Variants in CD300A observed in about 807,000 individuals in gnomAD.
The protein encoded by CD300A is CMRF35-like molecule 8.
In CD300A, 22 loss-of-function variants were observed where a neutral mutation model predicts 33.6. The observed-to-expected ratio is 0.66, with a 90% confidence interval of 0.47 to 0.94. CD300A has a LOEUF of 0.94. Among genes scored for constraint, CD300A ranks in the 40% least tolerant of loss-of-function variants. The pLI, the probability that CD300A is intolerant of heterozygous loss-of-function variation, is 0.00. For missense variants in CD300A, 326 were observed against 360.5 expected (o/e 0.90, Z 0.77); for synonymous variants, 136 against 148.1 (o/e 0.92, Z 0.59).
intron 1 of CD300A, among the ~76,000 whole-genome samples, chr17:74,468,402 G>A (rs1291607529): frequency 6.6e-6 from 1 of 151,964 alleles, no homozygotes; most frequent in Non-Finnish European, 1.5e-5. Flanking sequence ...GTGCAATCAC[G>A]GTTCACTGTA....
intron 1 of CD300A, among the ~76,000 whole-genome samples, chr17:74,469,534 ATTGT>A (rs1429776308): frequency 6.6e-6 from 1 of 152,152 alleles, no homozygotes; most frequent in East Asian, 1.9e-4. Flanking sequence ...AGTCTAATTA[ATTGT>A]TTGAGGCCAG....
chr17:74,474,412 C>G (rs1906327396), intron 2 of CD300A, 120 bp from the exon 3 acceptor site: 1 of 990,180 alleles, frequency 1.0e-6, no homozygotes, highest in South Asian at 1.5e-5. Context: ...GCCCCAGGGT[C>G]CTGCATCCTG....
intron 5 of CD300A, 157 bp downstream of exon 5, chr17:74,481,483 C>G: frequency 1.4e-6 from 1 of 723,744 alleles, no homozygotes; most frequent in South Asian, 1.7e-5. Flanking sequence ...GTCACTAGGT[C>G]TTGTTCTGAG....
intron 1 of CD300A, chr17:74,470,281 G>T: frequency 2.1e-6 from 2 of 935,260 alleles, no homozygotes; most frequent in South Asian, 1.0e-4. Flanking sequence ...CTGACACTTC[G>T]CAATCTCTAA....
intron 4 of CD300A, among the ~76,000 whole-genome samples, chr17:74,478,868 T>G (rs146796090): frequency 2.1e-4 from 32 of 152,258 alleles, no homozygotes; most frequent in African/African-American, 7.5e-4. Flanking sequence ...GCAGGGTGTA[T>G]GGGAAGAAAA....
At position 74,481,753 on chromosome 17, in the gene CD300A, G is replaced by T; in HGVS notation, c.694G>T (p.Ala232Ser). 3 of 1,611,960 alleles carry T rather than the reference G, an allele frequency of 1.9e-6. No homozygotes were observed. The highest frequency in any genetic ancestry group is 2.2e-5 in the South Asian group (2 of 90,552). The change falls in exon 6 of 7, where the codon GCA (alanine) becomes TCA (serine). Residue 232 changes from alanine (A) to serine (S), a missense_variant. Transcript: ENST00000360141. ...TGCCACGCAGAGTGAGCTGCACTAC[G>T]CAAATCTGGAGCTGCTGATGTGGCC... is the stretch of plus-strand genomic sequence containing the variant. ...QAATQSELHY[A>S]NLELLMWPLQ... is the part of the protein sequence containing the mutation.
In CD300A at chr17:74,474,617, C is replaced by A. The variant is rs1303963665; in HGVS notation, c.465C>A (p.Thr155=). The A allele has an allele frequency of 1.2e-6, 2 of 1,614,098 alleles. No individual in the cohort carries two copies. Among genetic ancestry groups the A allele is most frequent in the Non-Finnish European group, 1.7e-6 (2 of 1,179,922 alleles). Reference sequence around the variant, plus strand: ...CATTTCCACCTGTATCATCCACTACCCTGTTTGCAGTGGGTGCCACCCACA... The same window carrying A: ...CATTTCCACCTGTATCATCCACTACACTGTTTGCAGTGGGTGCCACCCACA... The part of the protein sequence containing the change: ...TTAFPPVSST[T]LFAVGATHSA... The change falls in exon 3 of 7, where the codon ACC becomes ACA. Residue 155 remains threonine, a synonymous_variant. Coordinates refer to ENST00000360141, the MANE Select transcript of CD300A (RefSeq NM_007261.4).
intron 6 of CD300A, among the ~76,000 whole-genome samples, chr17:74,483,093 C>T (rs1034074861): frequency 2.6e-5 from 4 of 152,158 alleles, no homozygotes; most frequent in Admixed American, 2.0e-4. Flanking sequence ...CACGAAGCTG[C>T]ATGGCCTGGG....
At chr17:74,471,782 C>T (rs9904541) in intron 1 of CD300A, among the ~76,000 whole-genome samples, 13 of 151,862 alleles carry the variant, frequency 8.6e-5, no homozygotes, top group African/African-American at 2.7e-4. Flanking sequence ...TTTGGGCAGC[C>T]GTGGGCTGGG....
intron 6 of CD300A, among the ~76,000 whole-genome samples, chr17:74,482,131 G>A (rs1906898147): frequency 2.6e-5 from 4 of 152,096 alleles, no homozygotes; most frequent in Admixed American, 2.6e-4. Context: ...CTGAGAACCT[G>A]TGACTTCTCA....
chr17:74,484,137 TGCCTC>T lies in CD300A; in HGVS notation c.*15_*19del, dbSNP rs1389826901. On this transcript the variant is annotated 3_prime_UTR_variant, in exon 7 of 7. Transcript: ENST00000360141. The stretch of plus-strand genomic sequence containing the variant: ...ATAAGGAAGACATAGGCTTTTGTCC[TGCCTC>T]GCCATCGGAGCTCTCATGGGCCCCA... The T allele has an allele frequency of 3.1e-6, 5 of 1,612,690 alleles. No homozygotes were observed. The highest frequency in any genetic ancestry group is 4.2e-6 in the Non-Finnish European group (5 of 1,179,414).
chr17:74,475,552 C>T lies in CD300A; in HGVS notation c.533+867C>T, dbSNP rs1906405074. Among the ~76,000 whole-genome samples the T allele has an allele frequency of 2.6e-5, 4 of 152,218 alleles. No individual in the cohort carries two copies. In the South Asian group the frequency reaches 6.2e-4, roughly 24 times the overall value. ...ACCTTTTTCGGGTTCACCAACCCCA[C>T]ATAGAATCTGACATCTATGGACACT... On this transcript the variant is annotated intron_variant, in intron 3 of 6. Coordinates refer to ENST00000360141, the MANE Select transcript of CD300A (RefSeq NM_007261.4).
rs530915426 is a variant in CD300A at position 74,468,864 on chromosome 17, C to T, written c.40+2121C>T. Among the ~76,000 whole-genome samples the T allele has an allele frequency of 1.3e-3, 203 of 152,232 alleles. 2 individuals carry two copies. The highest frequency in any genetic ancestry group is 2.4e-3 in the Non-Finnish European group (160 of 68,012). ...GTAGAGACGGGGTTTCACCATGTTG[C>T]CCAAGGTGGTCTCGAACTCCTGAGC... On this transcript the variant is annotated intron_variant, in intron 1 of 6. Coordinates refer to ENST00000360141, the MANE Select transcript of CD300A (RefSeq NM_007261.4).
intron 2 of CD300A, among the ~76,000 whole-genome samples, chr17:74,474,135 A>T (rs1906302120): frequency 6.6e-6 from 1 of 151,974 alleles, no homozygotes; most frequent in Non-Finnish European, 1.5e-5. Context: ...CCTGTGGCTC[A>T]GCCCCAACGG....
rs1345617393 is a variant in CD300A at position 74,484,403 on chromosome 17, G to C, written c.*277G>C. Reference sequence around the variant, plus strand: ...TTTGCCCCTGCTTCATCCCAGCTCTGTGTGTGGAGGACAAAGCTTCTTCCT... The same window carrying C: ...TTTGCCCCTGCTTCATCCCAGCTCTCTGTGTGGAGGACAAAGCTTCTTCCT... On this transcript the variant is annotated 3_prime_UTR_variant, in exon 7 of 7. Transcript: ENST00000360141. 3.5e-6 allele frequency: 1 copy of C among 286,066 alleles called. No homozygotes were observed. Among genetic ancestry groups the C allele is most frequent in the Non-Finnish European group, 6.8e-6 (1 of 147,738 alleles). 17.7% of individuals were successfully genotyped at this position (286,066 alleles called of 1,614,324 possible).
intron 3 of CD300A, among the ~76,000 whole-genome samples, chr17:74,475,051 G>A (rs1440974408): frequency 6.6e-6 from 1 of 152,146 alleles, no homozygotes; most frequent in African/African-American, 2.4e-5. Context: ...AGACATACCC[G>A]AGACTGGATA....
At chr17:74,469,579 C>G (rs1343537038) in intron 1 of CD300A, among the ~76,000 whole-genome samples, 2 of 152,180 alleles carry the variant, frequency 1.3e-5, no homozygotes, top group African/African-American at 4.8e-5. Flanking sequence ...AATCCCAGCA[C>G]TTTGGGAGGC....
intron 3 of CD300A, among the ~76,000 whole-genome samples, chr17:74,475,578 C>G (rs1232200978): frequency 2.0e-5 from 3 of 152,210 alleles, no homozygotes; most frequent in Non-Finnish European, 2.9e-5. Context: ...TATGGACACT[C>G]TCCCCAGAAA....
chr17:74,473,018 C>T (rs1906207271), intron 1 of CD300A, among the ~76,000 whole-genome samples: 1 of 152,032 alleles, frequency 6.6e-6, no homozygotes, highest in Admixed American at 6.6e-5. Flanking sequence ...TTGCCCAGGG[C>T]TGGGGTGGCC....
Sources: gnomAD v4.1 joint callset for allele counts (sites outside exome capture counted in the v4.1 genomes callset) on GRCh38, gnomAD v4.1.1 for gene constraint, MANE v1.5 for transcripts, NCBI Gene and HGNC (gene_info 2026-07-23, HGNC 2026-07-21) for gene names.